Variants in ADGRV1 observed in about 807,000 individuals in gnomAD.
The protein encoded by ADGRV1 is adhesion G protein-coupled receptor V1.
In ADGRV1, 359 loss-of-function variants were observed where a neutral mutation model predicts 596.2. That is an observed-to-expected ratio of 0.60 (90% CI 0.55 to 0.66). ADGRV1 has a LOEUF of 0.66. ADGRV1 is among the 30% of genes least tolerant of loss of function. The pLI, the probability that ADGRV1 is intolerant of heterozygous loss-of-function variation, is 0.00. For missense variants in ADGRV1, 7,274 were observed against 7,575.6 expected, an observed-to-expected ratio of 0.96 and a Z score of 1.48; for synonymous variants, 2,681 against 2,679.2, an observed-to-expected ratio of 1.00 and a Z score of -0.02.
At chr5:90,806,974 T>A (rs933401830) in intron 72 of ADGRV1, among the ~76,000 whole-genome samples, 2 of 152,054 alleles carry the variant, frequency 1.3e-5, no homozygotes, top group African/African-American at 4.8e-5. Flanking sequence ...TGCCTCAGCC[T>A]CCTGAGTAGC....
intron 85 of ADGRV1, among the ~76,000 whole-genome samples, chr5:91,007,725 G>A (rs1190307043): frequency 6.6e-6 from 1 of 152,082 alleles, no homozygotes; most frequent in Non-Finnish European, 1.5e-5. Context: ...GCATTTTTAG[G>A]ATGAAACAGA....
intron 79 of ADGRV1, among the ~76,000 whole-genome samples, chr5:90,851,849 A>T (rs1465283422): frequency 6.6e-6 from 1 of 152,206 alleles, no homozygotes; most frequent in African/African-American, 2.4e-5. Flanking sequence ...TGATGTTCTT[A>T]GTTTGACAAG....
intron 83 of ADGRV1, among the ~76,000 whole-genome samples, chr5:90,935,431 G>C (rs6867530): frequency 2.6e-5 from 4 of 151,640 alleles, no homozygotes; most frequent in Admixed American, 6.6e-5. Flanking sequence ...TCCAGCTTCC[G>C]CACCTCCTAG....
chr5:90,744,953 A>G, intron 50 of ADGRV1, 93 bp from the exon 51 acceptor site: 2 of 807,964 alleles, frequency 2.5e-6, no homozygotes, highest in Non-Finnish European at 2.1e-6. Flanking sequence ...GAACTTTGAG[A>G]TTTTGGAAGA....
intron 1 of ADGRV1, among the ~76,000 whole-genome samples, chr5:90,569,873 A>G (rs981637285): frequency 6.6e-6 from 1 of 152,046 alleles, no homozygotes; most frequent in Admixed American, 6.6e-5. Context: ...TTGTGCTGTT[A>G]TTGTGGTACA....
At position 90,855,752 on chromosome 5, in the gene ADGRV1, A is replaced by ACAGT. The variant is rs763972033; in HGVS notation, c.17611_17614dup (p.Phe5872SerfsTer7). ...TGTTTTTGCCCTAGCTGGTTGTCTG[A>ACAGT]CAGTCAGTTTTGCAAAGTGGTTGAG... On this transcript the variant is annotated frameshift_variant, in exon 82 of 90. Transcript: ENST00000405460. LOFTEE classifies it high-confidence loss of function. 1.9e-6 allele frequency: 3 copies of ACAGT among 1,580,064 alleles called. No individual in the cohort carries two copies. Among genetic ancestry groups the ACAGT allele is most frequent in the Non-Finnish European group, 2.6e-6 (3 of 1,161,700 alleles).
intron 83 of ADGRV1, among the ~76,000 whole-genome samples, chr5:90,904,054 A>G (rs1772093273): frequency 6.6e-6 from 1 of 152,080 alleles, no homozygotes; most frequent in African/African-American, 2.4e-5. Context: ...CACTTAACAT[A>G]GTGATCTCCA....
intron 87 of ADGRV1, among the ~76,000 whole-genome samples, chr5:91,140,057 C>A (rs1794968343): frequency 6.6e-6 from 1 of 152,192 alleles, no homozygotes; most frequent in Non-Finnish European, 1.5e-5. Context: ...AAAGTGTCTT[C>A]TTTAAAAAGT....
intron 85 of ADGRV1, among the ~76,000 whole-genome samples, chr5:91,008,863 C>T (rs1434514774): frequency 6.6e-6 from 1 of 152,078 alleles, no homozygotes; most frequent in African/African-American, 2.4e-5. Flanking sequence ...AAAATTTAAC[C>T]ATCAGTTCTC....
At chr5:90,930,564 T>G (rs922383187) in intron 83 of ADGRV1, among the ~76,000 whole-genome samples, 1 of 152,176 alleles carries the variant, frequency 6.6e-6, no homozygotes, top group Non-Finnish European at 1.5e-5. Context: ...TTATGTGTCT[T>G]TTTTAACCAA....
At chr5:90,832,852 G>C (rs1764636699) in intron 77 of ADGRV1, among the ~76,000 whole-genome samples, 1 of 152,162 alleles carries the variant, frequency 6.6e-6, no homozygotes, top group Non-Finnish European at 1.5e-5. Context: ...TTATTGAAGA[G>C]ACTGCCCTTT....
Position 90,840,574 on chromosome 5 carries a change from C to G in ADGRV1, c.16612-4C>G. On this transcript the variant is annotated splice_polypyrimidine_tract_variant and splice_region_variant and intron_variant, in intron 77 of 89. Transcript: ENST00000405460. ...TCACTTAAATGGTGTTGTTTAATTT[C>G]TAGGAGTTGAGGAGTGCTGAAACAA... 12 of 1,579,778 alleles carry G rather than the reference C, an allele frequency of 7.6e-6. No individual in the cohort carries two copies. The highest frequency in any genetic ancestry group is 1.0e-5 in the Non-Finnish European group (12 of 1,161,322).
At chr5:90,991,713 A>G (rs1780982001) in intron 85 of ADGRV1, among the ~76,000 whole-genome samples, 1 of 152,218 alleles carries the variant, frequency 6.6e-6, no homozygotes, top group Non-Finnish European at 1.5e-5. Context: ...AAATCCTCTG[A>G]AAATAATCTA....
rs781545986 is a variant in ADGRV1 at position 90,802,809 on chromosome 5, A to G, written c.14588A>G (p.Tyr4863Cys). The G allele has an allele frequency of 3.7e-6, 6 of 1,612,726 alleles. No individual in the cohort carries two copies. The Admixed American group carries it at 5.0e-5, about 13-fold the overall frequency. Residue 4863 changes from tyrosine to cysteine, a missense_variant, in exon 71 of 90, where the codon TAT (tyrosine) becomes TGT (cysteine). Transcript: ENST00000405460. ...GTGATGCTTGTCGGTGGACGTTTCTATGGAATGCCAACAATTCTTCAGGAA... is the reference window on the plus strand; with the variant it reads ...GTGATGCTTGTCGGTGGACGTTTCTGTGGAATGCCAACAATTCTTCAGGAA... ...VTVMLVGGRF[Y>C]GMPTILQEAK...
intron 11 of ADGRV1, chr5:90,640,794 GCCT>G (rs1397485622): frequency 6.6e-6 from 1 of 152,592 alleles, no homozygotes; most frequent in East Asian, 1.9e-4. Flanking sequence ...ATGGTGCCCT[GCCT>G]CCTTTTTCCC....
At chr5:90,693,810 CCA>C in intron 32 of ADGRV1, 78 bp from the exon 33 acceptor site, 1 of 1,071,534 alleles carries the variant, frequency 9.3e-7, no homozygotes, top group South Asian at 1.8e-5. Flanking sequence ...AAACTAAAGA[CCA>C]CAGTCAGCAT....
intron 6 of ADGRV1, chr5:90,626,633 T>C (rs1327983272): frequency 6.6e-6 from 1 of 152,042 alleles, no homozygotes. Flanking sequence ...AAAGCAAAAA[T>C]TGCACTTTAA....
At chr5:91,155,335 C>T (rs780591957) in intron 89 of ADGRV1, among the ~76,000 whole-genome samples, 7 of 152,174 alleles carry the variant, frequency 4.6e-5, no homozygotes, top group Admixed American at 1.3e-4. Context: ...AGCCCAGAGG[C>T]TTAATGGTGT....
intron 87 of ADGRV1, among the ~76,000 whole-genome samples, chr5:91,143,255 A>G (rs1412729881): frequency 6.6e-6 from 1 of 152,170 alleles, no homozygotes. Flanking sequence ...GGGCTCCCCA[A>G]GGAGCCACAG....
Sources: gnomAD v4.1 joint callset for allele counts (sites outside exome capture counted in the v4.1 genomes callset) on GRCh38, gnomAD v4.1.1 for gene constraint, MANE v1.5 for transcripts, NCBI Gene and HGNC (gene_info 2026-07-23, HGNC 2026-07-21) for gene names.